Variants in SVEP1 observed in about 807,000 individuals in gnomAD.
The protein encoded by SVEP1 is sushi, von Willebrand factor type A, EGF and pentraxin domain-containing protein 1.
A neutral mutation model predicts 367.3 loss-of-function variants in SVEP1; 164 were observed. That is an observed-to-expected ratio of 0.45 (90% CI 0.39 to 0.51). The LOEUF is 0.51. Among genes scored for constraint, SVEP1 ranks in the 20% least tolerant of loss-of-function variants. The probability of loss-of-function intolerance (pLI) is 0.00; values close to 1 mark genes in which losing one functional copy is unlikely to be tolerated. For missense variants in SVEP1, 4,117 were observed against 4,425.3 expected (o/e 0.93, Z 1.98); for synonymous variants, 1,666 against 1,611.6 (o/e 1.03, Z -0.81).
At chr9:110,489,296 T>C (rs954216718) in intron 9 of SVEP1, among the ~76,000 whole-genome samples, 1 of 152,190 alleles carries the variant, frequency 6.6e-6, no homozygotes, top group Non-Finnish European at 1.5e-5. Flanking sequence ...TAGTCTGTTC[T>C]CATGCTGCTA....
In SVEP1 at chr9:110,407,959, A is replaced by G. The variant is rs1827980748; in HGVS notation, c.7641T>C (p.Asp2547=). Residue 2547 remains aspartate, a synonymous_variant, in exon 38 of 48, where the codon GAT becomes GAC. Coordinates refer to ENST00000374469, the MANE Select transcript of SVEP1 (RefSeq NM_153366.4). Reference sequence around the variant, plus strand: ...AGTGGATGGCATTGCAAGATGGGGCATCTACATCCCAATCACCTGTCTCTA... The same window carrying G: ...AGTGGATGGCATTGCAAGATGGGGCGTCTACATCCCAATCACCTGTCTCTA... ...TCLETGDWDV[D]APSCNAIHCD... 1.9e-6 allele frequency: 3 copies of G among 1,614,052 alleles called. No homozygotes were observed. The highest frequency in any genetic ancestry group is 2.2e-5 in the South Asian group (2 of 91,082).
chr9:110,498,846 T>C (rs1319384575), intron 7 of SVEP1, among the ~76,000 whole-genome samples, 195 bp downstream of exon 7: 1 of 152,228 alleles, frequency 6.6e-6, no homozygotes, highest in Non-Finnish European at 1.5e-5. Context: ...CTTCTGTCAT[T>C]GTCTGGCATT....
At chr9:110,391,824 T>TTAAATTAGTAGATCATGTAAAGTAGATTG (rs1827659791) in intron 40 of SVEP1, among the ~76,000 whole-genome samples, 1 of 152,032 alleles carries the variant, frequency 6.6e-6, no homozygotes, top group Non-Finnish European at 1.5e-5. Flanking sequence ...AGATTAGCAT[T>TTAAATTAGTAGATCATGTAAAGTAGATTG]TAAATTAGTA....
intron 14 of SVEP1, among the ~76,000 whole-genome samples, chr9:110,473,770 T>C (rs1829057588): frequency 6.6e-6 from 1 of 152,198 alleles, no homozygotes. Context: ...TGAAATGTAG[T>C]ACATATTTGC....
At chr9:110,536,967 G>A (rs1260439571) in intron 3 of SVEP1, among the ~76,000 whole-genome samples, 13 of 151,954 alleles carry the variant, frequency 8.6e-5, no homozygotes, top group Admixed American at 8.5e-4. Flanking sequence ...GGGCATCCCA[G>A]AAATTGAGAA....
At chr9:110,385,145 T>G (rs1827500994) in intron 43 of SVEP1, among the ~76,000 whole-genome samples, 1 of 152,172 alleles carries the variant, frequency 6.6e-6, no homozygotes, top group African/African-American at 2.4e-5. Flanking sequence ...CACACCCAGC[T>G]AATTTTTGTA....
intron 45 of SVEP1, among the ~76,000 whole-genome samples, chr9:110,376,473 TAGC>T (rs939674403): frequency 2.0e-5 from 3 of 152,236 alleles, no homozygotes; most frequent in African/African-American, 7.2e-5. Flanking sequence ...GGTGAGTTGT[TAGC>T]AGCCTAAATT....
At chr9:110,478,149 C>T (rs893882844) in intron 13 of SVEP1, among the ~76,000 whole-genome samples, 14 of 152,210 alleles carry the variant, frequency 9.2e-5, no homozygotes, top group African/African-American at 2.4e-4. Context: ...CTGCCTGGAA[C>T]GCTCTTCCCC....
chr9:110,484,426 C>T (rs1193622279), intron 9 of SVEP1, among the ~76,000 whole-genome samples: 4 of 151,986 alleles, frequency 2.6e-5, no homozygotes, highest in Non-Finnish European at 5.9e-5. Context: ...GGTGAGTGAG[C>T]CAGGTTTCAA....
At chr9:110,395,888 C>A (rs1421911610) in intron 40 of SVEP1, among the ~76,000 whole-genome samples, 2 of 151,916 alleles carry the variant, frequency 1.3e-5, no homozygotes, top group Non-Finnish European at 2.9e-5. Context: ...ACTTAGACTC[C>A]CACACAATAA....
chr9:110,441,184 G>A (rs182012802), intron 27 of SVEP1, among the ~76,000 whole-genome samples: 5 of 152,228 alleles, frequency 3.3e-5, no homozygotes, highest in African/African-American at 7.2e-5. Context: ...GATAGACCAC[G>A]TTTTAAATTT....
intron 38 of SVEP1, among the ~76,000 whole-genome samples, chr9:110,405,144 A>ATAT (rs1409247584): frequency 6.6e-6 from 1 of 152,216 alleles, no homozygotes; most frequent in South Asian, 2.1e-4. Flanking sequence ...CTTATTGTGG[A>ATAT]TATTATTATT....
At chr9:110,545,615 C>T (rs754576821) in intron 3 of SVEP1, among the ~76,000 whole-genome samples, 1 of 152,168 alleles carries the variant, frequency 6.6e-6, no homozygotes, top group Non-Finnish European at 1.5e-5. Context: ...ATTCCACTGG[C>T]TTCAATCTCA....
At chr9:110,509,424 G>A (rs1261443528) in intron 5 of SVEP1, among the ~76,000 whole-genome samples, 1 of 152,140 alleles carries the variant, frequency 6.6e-6, no homozygotes, top group African/African-American at 2.4e-5. Context: ...TAGCTTTGGT[G>A]GTGAAGTTGA....
At chr9:110,487,006 G>C (rs896284152) in intron 9 of SVEP1, among the ~76,000 whole-genome samples, 1 of 151,754 alleles carries the variant, frequency 6.6e-6, no homozygotes, top group Non-Finnish European at 1.5e-5. Flanking sequence ...GCCCAGGCTG[G>C]AGTGCAATGG....
chr9:110,398,158 A>T (rs1243163093), intron 40 of SVEP1, among the ~76,000 whole-genome samples: 2 of 152,092 alleles, frequency 1.3e-5, no homozygotes, highest in Non-Finnish European at 2.9e-5. Context: ...AGACCAATGG[A>T]ACAGAACAGA....
At chr9:110,424,769 G>A (rs7036103) in intron 36 of SVEP1, among the ~76,000 whole-genome samples, 59,269 of 151,988 alleles carry the variant, frequency 0.39, 12,093 homozygotes, top group African/African-American at 0.52. Context: ...CCGCCTCTGA[G>A]GTTCAAGCAA....
intron 44 of SVEP1, 136 bp downstream of exon 44, chr9:110,379,211 T>C (rs1827397274): frequency 3.1e-6 from 3 of 972,382 alleles, no homozygotes; most frequent in African/African-American, 1.7e-5. Flanking sequence ...TAAAAGAAAA[T>C]TACACAGCTG....
At chr9:110,437,399 T>C (rs1471355538) in intron 27 of SVEP1, among the ~76,000 whole-genome samples, 1 of 152,192 alleles carries the variant, frequency 6.6e-6, no homozygotes, top group African/African-American at 2.4e-5. Context: ...TTTACTGTCA[T>C]ATTTTGGTCT....
Sources: gnomAD v4.1 joint callset for allele counts (sites outside exome capture counted in the v4.1 genomes callset) on GRCh38, gnomAD v4.1.1 for gene constraint, MANE v1.5 for transcripts, NCBI Gene and HGNC (gene_info 2026-07-23, HGNC 2026-07-21) for gene names.